Variants in TAFA5 observed in about 807,000 individuals in gnomAD.
TAFA5 encodes the protein TAFA chemokine like family member 5.
TAFA5 carries 6 observed loss-of-function variants against 15.3 expected under a neutral mutation model. The observed-to-expected ratio is 0.39, with a 90% CI of 0.21 to 0.77. The LOEUF is 0.77. Among genes scored for constraint, TAFA5 ranks in the 30% least tolerant of loss-of-function variants. The pLI is 0.41. For missense variants in TAFA5, 161 were observed against 193.1 expected (o/e 0.83, Z 0.98); for synonymous variants, 103 against 80.7 (o/e 1.28, Z -1.48).
chr22:48,563,920 G>A (rs564401894), intron 1 of TAFA5, among the ~76,000 whole-genome samples: 2 of 152,312 alleles, frequency 1.3e-5, no homozygotes, highest in Admixed American at 6.5e-5. Flanking sequence ...TCCTGGAGCC[G>A]GGCATCCTTG....
chr22:48,577,789 A>G (rs1165838100), intron 1 of TAFA5, among the ~76,000 whole-genome samples: 1 of 152,168 alleles, frequency 6.6e-6, no homozygotes, highest in Non-Finnish European at 1.5e-5. Context: ...AAGGGAGAGT[A>G]GGCTACCCCA....
chr22:48,631,616 T>C (rs1009852352), intron 1 of TAFA5, among the ~76,000 whole-genome samples: 2 of 152,190 alleles, frequency 1.3e-5, no homozygotes, highest in Non-Finnish European at 2.9e-5. Context: ...CACACCGGCC[T>C]CCCGAGCCCC....
intron 1 of TAFA5, chr22:48,545,248 C>T (rs575194966): frequency 2.7e-5 from 7 of 263,236 alleles, no homozygotes; most frequent in South Asian, 9.6e-5. Context: ...TGCCATTTGG[C>T]GTAAGGCCTC....
chr22:48,711,116 T>C (rs1246805116), intron 3 of TAFA5, among the ~76,000 whole-genome samples: 3 of 152,114 alleles, frequency 2.0e-5, no homozygotes, highest in East Asian at 1.9e-4. Flanking sequence ...ACCAGGGACA[T>C]GGGCAGGTGG....
At chr22:48,700,182 G>A (rs1005649618) in intron 2 of TAFA5, among the ~76,000 whole-genome samples, 5 of 152,230 alleles carry the variant, frequency 3.3e-5, no homozygotes, top group African/African-American at 7.2e-5. Context: ...TTCTTTCATC[G>A]AATCAGTCAA....
intron 3 of TAFA5, among the ~76,000 whole-genome samples, chr22:48,746,607 CAG>C (rs1187177626): frequency 3.3e-5 from 5 of 152,204 alleles, no homozygotes; most frequent in African/African-American, 1.2e-4. Context: ...AACTGAGGCA[CAG>C]GGGGACGCTC....
intron 1 of TAFA5, among the ~76,000 whole-genome samples, chr22:48,585,195 A>G (rs1490115554): frequency 6.9e-6 from 1 of 145,478 alleles, no homozygotes; most frequent in African/African-American, 2.5e-5. Flanking sequence ...CACATACCAC[A>G]TGCCAAACAC....
chr22:48,678,624 C>T (rs1291881772), intron 2 of TAFA5, among the ~76,000 whole-genome samples: 1 of 152,150 alleles, frequency 6.6e-6, no homozygotes, highest in Non-Finnish European at 1.5e-5. Flanking sequence ...GTGGTGCGGC[C>T]TCTGTCCCAC....
chr22:48,747,555 C>G (rs1029576108), intron 3 of TAFA5, among the ~76,000 whole-genome samples: 2 of 152,160 alleles, frequency 1.3e-5, no homozygotes, highest in African/African-American at 2.4e-5. Flanking sequence ...TGTCTTGCTG[C>G]TTTCTTCTTA....
At chr22:48,523,954 TGAG>T (rs1921692742) in intron 1 of TAFA5, among the ~76,000 whole-genome samples, 1 of 152,082 alleles carries the variant, frequency 6.6e-6, no homozygotes, top group African/African-American at 2.4e-5. Flanking sequence ...CACACCCAGG[TGAG>T]GTGCCCACAG....
intron 2 of TAFA5, among the ~76,000 whole-genome samples, chr22:48,686,929 TGGATGGA>T (rs767878348): frequency 2.3e-5 from 3 of 132,446 alleles, no homozygotes; most frequent in Non-Finnish European, 5.3e-5. Context: ...GATGGATGGA[TGGATGGA>T]TGGATTGGTG....
At chr22:48,529,076 G>T (rs1467158759) in intron 1 of TAFA5, among the ~76,000 whole-genome samples, 1 of 152,214 alleles carries the variant, frequency 6.6e-6, no homozygotes, top group Non-Finnish European at 1.5e-5. Flanking sequence ...GGCAGTGACT[G>T]CTTAAACCAC....
intron 2 of TAFA5, among the ~76,000 whole-genome samples, chr22:48,668,640 A>G (rs1927699463): frequency 1.1e-5 from 1 of 93,600 alleles, no homozygotes; most frequent in Admixed American, 1.0e-4. Flanking sequence ...GGGAGTGTTA[A>G]TCCCCCAGCA....
At chr22:48,583,043 C>T (rs907507815) in intron 1 of TAFA5, among the ~76,000 whole-genome samples, 5 of 148,010 alleles carry the variant, frequency 3.4e-5, no homozygotes, top group African/African-American at 1.0e-4. Context: ...ATACACCACA[C>T]ACACCGCACA....
intron 2 of TAFA5, among the ~76,000 whole-genome samples, chr22:48,659,885 A>G (rs1927374974): frequency 6.6e-6 from 1 of 152,230 alleles, no homozygotes; most frequent in Admixed American, 6.5e-5. Flanking sequence ...TTCAAACTAA[A>G]TTAAATAACA....
At chr22:48,564,850 C>T (rs1438314847) in intron 1 of TAFA5, among the ~76,000 whole-genome samples, 1 of 152,232 alleles carries the variant, frequency 6.6e-6, no homozygotes, top group African/African-American at 2.4e-5. Flanking sequence ...ACAGCTACCC[C>T]ATGGTGGGTG....
At chr22:48,638,710 T>C (rs11703209) in intron 1 of TAFA5, among the ~76,000 whole-genome samples, 7,464 of 38,924 alleles carry the variant, frequency 0.19, 13 homozygotes, top group East Asian at 0.25. Context: ...CCTGGGACAC[T>C]GCACACAGGG....
At chr22:48,724,714 G>A (rs1272120839) in intron 3 of TAFA5, among the ~76,000 whole-genome samples, 1 of 152,206 alleles carries the variant, frequency 6.6e-6, no homozygotes, top group Non-Finnish European at 1.5e-5. Flanking sequence ...GTGACCTCCT[G>A]TAATGCACAA....
At chr22:48,700,958 TCAGCTGTCTG>T (rs1928887057) in intron 2 of TAFA5, among the ~76,000 whole-genome samples, 1 of 152,086 alleles carries the variant, frequency 6.6e-6, no homozygotes, top group Non-Finnish European at 1.5e-5. Context: ...AGAACCCCAC[TCAGCTGTCTG>T]CTTCTCGTCC....
Sources: allele counts gnomAD v4.1 joint callset (sites outside exome capture counted in the v4.1 genomes callset), GRCh38; gene constraint gnomAD v4.1.1; transcripts MANE v1.5; gene names NCBI Gene and HGNC (gene_info 2026-07-23, HGNC 2026-07-21).